Variants in IL1R1 observed in about 807,000 individuals in gnomAD.
IL1R1 encodes interleukin-1 receptor type 1.
Under a neutral mutation model 50.2 loss-of-function variants are expected in IL1R1, and 22 were observed. The ratio of observed to expected loss-of-function variants is 0.44; its 90% confidence interval spans 0.31 to 0.63. IL1R1 has a LOEUF of 0.63. Ranked by LOEUF, IL1R1 falls within the 20% of genes least tolerant of loss-of-function variation. The pLI is 0.07. For synonymous variants in IL1R1, 251 were observed against 236.7 expected, an observed-to-expected ratio of 1.06 and a Z score of -0.55; for missense variants, 509 against 676.2, an observed-to-expected ratio of 0.75 and a Z score of 2.74.
intron 1 of IL1R1, among the ~76,000 whole-genome samples, chr2:102,077,634 T>G (rs1393356163): frequency 1.3e-5 from 2 of 152,230 alleles, no homozygotes; most frequent in Non-Finnish European, 2.9e-5. Flanking sequence ...TTCATTTTTC[T>G]CCTCCTGTTG....
chr2:102,162,947 G>A (rs1684859269), intron 3 of IL1R1, among the ~76,000 whole-genome samples: 1 of 152,086 alleles, frequency 6.6e-6, no homozygotes, highest in Non-Finnish European at 1.5e-5. Context: ...TACTGGTGAT[G>A]ACATTTTACA....
chr2:102,123,377 T>G (rs1320821886), intron 1 of IL1R1, among the ~76,000 whole-genome samples: 1 of 152,224 alleles, frequency 6.6e-6, no homozygotes, highest in Non-Finnish European at 1.5e-5. Context: ...CAGAGGTCCA[T>G]GTTTAAAACA....
intron 1 of IL1R1, among the ~76,000 whole-genome samples, chr2:102,111,711 C>T (rs1280693626): frequency 2.0e-5 from 3 of 152,130 alleles, no homozygotes; most frequent in Non-Finnish European, 4.4e-5. Flanking sequence ...ACCCGGCCAC[C>T]TCTAGGTTCT....
At chr2:102,160,293 A>T (rs1282093696) in intron 3 of IL1R1, among the ~76,000 whole-genome samples, 2 of 152,010 alleles carry the variant, frequency 1.3e-5, no homozygotes, top group Non-Finnish European at 2.9e-5. Flanking sequence ...CTGGCTAAAG[A>T]TTTATCAATT....
At chr2:102,111,550 C>T (rs886253960) in intron 1 of IL1R1, among the ~76,000 whole-genome samples, 1 of 152,036 alleles carries the variant, frequency 6.6e-6, no homozygotes, top group Admixed American at 6.6e-5. Flanking sequence ...TGTGCTAAGC[C>T]CTGTGCTAGG....
intron 1 of IL1R1, among the ~76,000 whole-genome samples, chr2:102,136,979 A>T (rs1682378444): frequency 6.6e-6 from 1 of 152,188 alleles, no homozygotes; most frequent in African/African-American, 2.4e-5. Flanking sequence ...TCTAGTTAAC[A>T]TTTCCTCAAA....
At chr2:102,078,611 A>G (rs1189624878) in intron 1 of IL1R1, among the ~76,000 whole-genome samples, 1 of 149,676 alleles carries the variant, frequency 6.7e-6, no homozygotes, top group Non-Finnish European at 1.5e-5. Context: ...AGAAAAAAAA[A>G]AGGAAAAAAG....
chr2:102,170,362 G>A (rs563940966), intron 7 of IL1R1, among the ~76,000 whole-genome samples: 1 of 152,276 alleles, frequency 6.6e-6, no homozygotes, highest in East Asian at 1.9e-4. Context: ...AGACAAAGAT[G>A]CCCATGTAAC....
chr2:102,078,029 A>T (rs1679047544), intron 1 of IL1R1, among the ~76,000 whole-genome samples: 1 of 152,206 alleles, frequency 6.6e-6, no homozygotes, highest in African/African-American at 2.4e-5. Flanking sequence ...ATTAAAGAAA[A>T]TGAAAGCACA....
chr2:102,163,496 G>C (rs1394644720), intron 3 of IL1R1, among the ~76,000 whole-genome samples: 2 of 151,750 alleles, frequency 1.3e-5, no homozygotes, highest in African/African-American at 2.4e-5. Flanking sequence ...TATCAAATCT[G>C]CCGTGAATCC....
chr2:102,165,000 C>G lies in IL1R1; in HGVS notation c.288C>G (p.Cys96Trp), dbSNP rs147135912. The change falls in exon 4 of 12, where the codon TGC (cysteine) becomes TGG (tryptophan). Residue 96 changes from cysteine to tryptophan, a missense_variant. Cys to Trp is a radical substitution (Grantham distance 215). Coordinates refer to ENST00000410023, the MANE Select transcript of IL1R1 (RefSeq NM_000877.4). ...TGGAGGATTCAGGACATTACTATTG[C>G]GTGGTAAGGTAAGAGAGGAATTAGT... Reference protein sequence around the residue: ...AKVEDSGHYYCVVRNSSYCLR... With the variant: ...AKVEDSGHYYWVVRNSSYCLR... 1 of 1,611,924 alleles carries G rather than the reference C, an allele frequency of 6.2e-7. No individual in the cohort carries two copies. Among genetic ancestry groups the G allele is most frequent in the African/African-American group, 1.3e-5 (1 of 74,868 alleles).
intron 3 of IL1R1, among the ~76,000 whole-genome samples, chr2:102,159,920 G>A (rs1476806954): frequency 6.6e-6 from 1 of 152,156 alleles, no homozygotes; most frequent in African/African-American, 2.4e-5. Flanking sequence ...CCGTGATTTG[G>A]CATGTTTCTG....
intron 1 of IL1R1, among the ~76,000 whole-genome samples, chr2:102,126,684 G>C (rs946368979): frequency 7.2e-5 from 11 of 151,820 alleles, no homozygotes; most frequent in African/African-American, 2.7e-4. Flanking sequence ...CTGCCTGGTA[G>C]ATGCACACCC....
chr2:102,079,851 CG>C (rs1559450880), intron 1 of IL1R1, among the ~76,000 whole-genome samples: 1 of 152,028 alleles, frequency 6.6e-6, no homozygotes, highest in Non-Finnish European at 1.5e-5. Flanking sequence ...TACAAAGCAA[CG>C]GTATCCAAGA....
At chr2:102,155,057 T>C (rs184203453) in intron 2 of IL1R1, among the ~76,000 whole-genome samples, 81 of 152,352 alleles carry the variant, frequency 5.3e-4, no homozygotes, top group Non-Finnish European at 8.5e-4. Context: ...GGGAACCTTG[T>C]TCCTGTTTTT....
chr2:102,158,820 A>G (rs553700828), intron 3 of IL1R1, among the ~76,000 whole-genome samples: 3 of 152,296 alleles, frequency 2.0e-5, no homozygotes, highest in African/African-American at 7.2e-5. Flanking sequence ...TTGAGAATAG[A>G]TCCGAGGGAG....
intron 1 of IL1R1, among the ~76,000 whole-genome samples, chr2:102,084,938 C>T (rs1347379498): frequency 6.6e-6 from 1 of 152,214 alleles, no homozygotes; most frequent in African/African-American, 2.4e-5. Context: ...GTAAGAGTGT[C>T]CCGCAATTTC....
At chr2:102,166,030 GA>G (rs1685151864) in intron 5 of IL1R1, 82 bp from the exon 6 acceptor site, 9 of 1,207,096 alleles carry the variant, frequency 7.5e-6, no homozygotes, top group Admixed American at 2.2e-5. Flanking sequence ...TTGCTAAGGT[GA>G]AAAAAATGGA....
chr2:102,124,747 G>C (rs1448707132), intron 1 of IL1R1, among the ~76,000 whole-genome samples: 1 of 151,848 alleles, frequency 6.6e-6, no homozygotes, highest in Non-Finnish European at 1.5e-5. Context: ...GTAAAACCCT[G>C]TCTCTATTAA....
Sources: allele counts gnomAD v4.1 joint callset (sites outside exome capture counted in the v4.1 genomes callset), GRCh38; gene constraint gnomAD v4.1.1; transcripts MANE v1.5; gene names NCBI Gene and HGNC (gene_info 2026-07-23, HGNC 2026-07-21).